Variants in PRKX observed in about 807,000 individuals in gnomAD.
The protein encoded by PRKX is protein kinase cAMP-dependent X-linked catalytic subunit.
In PRKX, 12 loss-of-function variants were observed where a neutral mutation model predicts 22.0. That is an observed-to-expected ratio of 0.54 (90% CI 0.35 to 0.88). The LOEUF (loss-of-function observed/expected upper bound fraction) is 0.88. Among genes scored for constraint, PRKX ranks in the 40% least tolerant of loss-of-function variants. PRKX has a pLI of 0.01. For synonymous variants in PRKX, 134 were observed against 137.7 expected (o/e 0.97, Z 0.19); for missense variants, 217 against 308.0 (o/e 0.70, Z 2.21).
At chrX:3,668,598 G>A (rs1927784027) in intron 2 of PRKX, among the ~76,000 whole-genome samples, 1 of 112,070 alleles carries the variant, frequency 8.9e-6, no homozygotes, top group Admixed American at 9.5e-5. Context: ...TCTCCATGGA[G>A]AAACGAGCGG....
chrX:3,661,945 T>C (rs1360778669), intron 2 of PRKX, among the ~76,000 whole-genome samples: 1 of 112,237 alleles, frequency 8.9e-6, no homozygotes, highest in East Asian at 2.8e-4. Flanking sequence ...TAACACTTAC[T>C]GTACATACTA....
intron 2 of PRKX, among the ~76,000 whole-genome samples, chrX:3,672,117 C>T (rs927055209): frequency 1.8e-5 from 2 of 110,991 alleles, no homozygotes; most frequent in African/African-American, 6.6e-5. Context: ...ATGGCTTAAG[C>T]CCGGGAGGTT....
At chrX:3,664,298 G>A (rs993857964) in intron 2 of PRKX, among the ~76,000 whole-genome samples, 2 of 111,751 alleles carry the variant, frequency 1.8e-5, no homozygotes, top group South Asian at 7.5e-4. Context: ...GTGCAGTGGC[G>A]CAACCATAGA....
At chrX:3,623,846 T>G (rs1010950501) in intron 5 of PRKX, among the ~76,000 whole-genome samples, 2 of 111,818 alleles carry the variant, frequency 1.8e-5, no homozygotes, top group African/African-American at 6.5e-5. Context: ...AGATAATACC[T>G]CTACTGAATT....
chrX:3,661,183 T>C (rs1364837804), intron 2 of PRKX, among the ~76,000 whole-genome samples: 1 of 111,770 alleles, frequency 8.9e-6, no homozygotes, highest in African/African-American at 3.3e-5. Flanking sequence ...AGTAAAAACA[T>C]ACTCCTTTAA....
intron 7 of PRKX, among the ~76,000 whole-genome samples, chrX:3,615,068 G>C (rs775238868): frequency 1.1e-5 from 1 of 94,792 alleles, no homozygotes; most frequent in Non-Finnish European, 2.0e-5. Flanking sequence ...GCCCAGGCTG[G>C]AGTGCAGTGG....
chrX:3,654,457 G>T (rs1169732202), intron 3 of PRKX, among the ~76,000 whole-genome samples: 674 of 43,290 alleles, frequency 0.016, 3 homozygotes, highest in Non-Finnish European at 0.024. Context: ...ATTCAATTTG[G>T]TTTTTTTTTT....
At chrX:3,652,222 T>A (rs766585809) in intron 3 of PRKX, among the ~76,000 whole-genome samples, 91 of 110,405 alleles carry the variant, frequency 8.2e-4, no homozygotes, top group African/African-American at 3.0e-3. Flanking sequence ...ATTGAGACCA[T>A]CCTGGCTAAC....
At chrX:3,690,681 T>C (rs778974527) in intron 1 of PRKX, among the ~76,000 whole-genome samples, 2 of 111,212 alleles carry the variant, frequency 1.8e-5, no homozygotes, top group South Asian at 3.8e-4. Context: ...CAGTGAGCTA[T>C]GATCACACCA....
intron 5 of PRKX, among the ~76,000 whole-genome samples, chrX:3,625,023 T>C (rs1191701455): frequency 9.0e-6 from 1 of 111,221 alleles, no homozygotes; most frequent in Non-Finnish European, 1.9e-5. Context: ...ATATAATCCT[T>C]TCTATTTCCT....
rs56411206 is a variant in PRKX at position 3,662,998 on chromosome X, TAAAAAA to T, written c.336-7592_336-7587del. 1.3e-4 allele frequency among the ~76,000 whole-genome samples: 10 copies of T among 78,494 alleles called. No homozygotes were observed. In the East Asian group the frequency reaches 3.5e-3, roughly 27 times the overall value. The allele number at this position is 78,494 out of a possible 115,157, so 68.2% of individuals were successfully genotyped here. A position where few individuals can be genotyped will look rare whatever the true frequency, so the allele number is the denominator to read the frequency against. On this transcript the variant is annotated intron_variant, in intron 2 of 8. Coordinates refer to ENST00000262848, the MANE Select transcript of PRKX (RefSeq NM_005044.5). Reference sequence around the variant, plus strand: ...GGGCAACAGAGAAAGGCCCTGTCTTTAAAAAAAAAAAAAAAAAAAAAATTAGAGATG... The same window carrying T: ...GGGCAACAGAGAAAGGCCCTGTCTTTAAAAAAAAAAAAAAAATTAGAGATG...
rs1928835402 is a variant in PRKX, at chrX:3,713,376, C to T, written c.-123G>A. ...TCAACAGAGGCTCCCCATGCGCGCTCTCGCCTCCTGGTGCGCGGTCCGGCG... is the reference window on the plus strand; with the variant it reads ...TCAACAGAGGCTCCCCATGCGCGCTTTCGCCTCCTGGTGCGCGGTCCGGCG... On this transcript the variant is annotated 5_prime_UTR_variant, in exon 1 of 9. Transcript: ENST00000262848. 7 of 590,625 alleles carry T rather than the reference C, an allele frequency of 1.2e-5. No individual in the cohort carries two copies. Among genetic ancestry groups the T allele is most frequent in the Non-Finnish European group, 1.6e-5 (7 of 440,691 alleles). The allele number at this position is 590,625 out of a possible 1,213,427, so 48.7% of individuals were successfully genotyped here. A position where few individuals can be genotyped will look rare whatever the true frequency, so the allele number is the denominator to read the frequency against.
At chrX:3,689,740 G>A (rs1255122032) in intron 1 of PRKX, among the ~76,000 whole-genome samples, 1 of 112,011 alleles carries the variant, frequency 8.9e-6, no homozygotes, top group South Asian at 3.7e-4. Flanking sequence ...CACTTTGGGA[G>A]GCCAAGGCGG....
Position 3,690,668 on chromosome X carries a change from T to C in PRKX, c.167-15902A>G, listed in dbSNP as rs1928305764. Among the ~76,000 whole-genome samples the C allele has an allele frequency of 2.7e-5, 3 of 111,366 alleles. No individual in the cohort carries two copies. In the South Asian group the frequency reaches 1.1e-3, roughly 42 times the overall value. Reference sequence around the variant, plus strand: ...GATCACTTGAGCCTGGGGGCGGGGGTTGCAGTGAGCTATGATCACACCACT... The same window carrying C: ...GATCACTTGAGCCTGGGGGCGGGGGCTGCAGTGAGCTATGATCACACCACT... On this transcript the variant is annotated intron_variant, in intron 1 of 8. Transcript: ENST00000262848.
rs1927232706 is a variant in PRKX at position 3,648,393 on chromosome X, T to C, written c.600-6422A>G. Among the ~76,000 whole-genome samples, 4 of 110,821 alleles carry C rather than the reference T, an allele frequency of 3.6e-5. No individual in the cohort carries two copies. The Admixed American group carries it at 3.9e-4, about 11-fold the overall frequency. On this transcript the variant is annotated intron_variant, in intron 3 of 8. Transcript: ENST00000262848. ...TTGCTATGTTACCCAGGCTGGGTTTTTTTTTTTTAAATAGTTGTCAGATGT... is the reference window on the plus strand; with the variant it reads ...TTGCTATGTTACCCAGGCTGGGTTTCTTTTTTTTAAATAGTTGTCAGATGT...
At chrX:3,649,815 A>T (rs112748483) in intron 3 of PRKX, among the ~76,000 whole-genome samples, 2 of 11,679 alleles carry the variant, frequency 1.7e-4, no homozygotes, top group Non-Finnish European at 3.1e-4. Context: ...GAAAGGAGGG[A>T]GGGAGGGAGG....
intron 5 of PRKX, among the ~76,000 whole-genome samples, chrX:3,622,359 AATAAT>A (rs1926575433): frequency 1.8e-5 from 2 of 110,726 alleles, no homozygotes; most frequent in African/African-American, 6.6e-5. Context: ...AATATGATAT[AATAAT>A]ATAATATATT....
At chrX:3,652,033 G>C (rs1278538348) in intron 3 of PRKX, among the ~76,000 whole-genome samples, 6 of 111,203 alleles carry the variant, frequency 5.4e-5, no homozygotes, top group Non-Finnish European at 9.4e-5. Flanking sequence ...GATCCATTGG[G>C]AGCTAAGCTA....
chrX:3,605,555 G>A lies in PRKX; in HGVS notation c.*3414C>T. The A allele has an allele frequency of 8.9e-6, 1 of 112,963 alleles. No homozygotes were observed. The highest frequency in any genetic ancestry group is 3.6e-4 in the South Asian group (1 of 2,783). 9.3% of individuals were successfully genotyped at this position (112,963 alleles called of 1,213,427 possible). Reference sequence around the variant, plus strand: ...TTAGAGGCCATGTAGGTCAAACACAGAAATGGCGAACACATCCCAAACCAC... The same window carrying A: ...TTAGAGGCCATGTAGGTCAAACACAAAAATGGCGAACACATCCCAAACCAC... On this transcript the variant is annotated 3_prime_UTR_variant, in exon 9 of 9. Coordinates refer to ENST00000262848, the MANE Select transcript of PRKX (RefSeq NM_005044.5).
Sources: gnomAD v4.1 joint callset for allele counts (sites outside exome capture counted in the v4.1 genomes callset) on GRCh38, gnomAD v4.1.1 for gene constraint, MANE v1.5 for transcripts, NCBI Gene and HGNC (gene_info 2026-07-23, HGNC 2026-07-21) for gene names.